The following RYR3 variants were observed in gnomAD, a reference collection of about 807,000 sequenced individuals.
RYR3 encodes the protein ryanodine receptor 3.
In RYR3, 207 loss-of-function variants were observed where a neutral mutation model predicts 584.3. The ratio of observed to expected loss-of-function variants is 0.35; its 90% CI spans 0.32 to 0.40. The LOEUF is 0.40. Among genes scored for constraint, RYR3 ranks in the 10% least tolerant of loss-of-function variants. The pLI is 1.00. For synonymous variants in RYR3, 2,416 were observed against 2,248.5 expected (o/e 1.07, Z -2.11); for missense variants, 5,616 against 6,089.2 (o/e 0.92, Z 2.59).
chr15:33,628,651 C>A, intron 21 of RYR3, 76 bp downstream of exon 21: 1 of 927,658 alleles, frequency 1.1e-6, no homozygotes. Flanking sequence ...CTGCTGCATG[C>A]CTAGTTTTCA....
intron 66 of RYR3, among the ~76,000 whole-genome samples, chr15:33,787,556 G>A (rs1375340531): frequency 6.6e-6 from 1 of 151,466 alleles, no homozygotes; most frequent in Non-Finnish European, 1.5e-5. Context: ...AAAAACAATG[G>A]AAAGGCATAT....
At chr15:33,662,065 A>C in intron 34 of RYR3, 88 bp from the exon 35 acceptor site, 1 of 1,140,770 alleles carries the variant, frequency 8.8e-7, no homozygotes, top group Non-Finnish European at 1.2e-6. Flanking sequence ...CCTTCCACCC[A>C]CCCTGCCTTT....
chr15:33,535,063 G>A lies in RYR3; in HGVS notation c.433+1674G>A, dbSNP rs566367073. 1.4e-4 allele frequency among the ~76,000 whole-genome samples: 22 copies of A among 152,332 alleles called. No homozygotes were observed. The East Asian group carries it at 4.1e-3, about 28-fold the overall frequency. On this transcript the variant is annotated intron_variant, in intron 5 of 103. Transcript: ENST00000634891. ...GGGTAGGAACAGAGACCAAGGAAGA[G>A]AAAACAGGTTAGGGCACACTGCAGG... is the stretch of plus-strand genomic sequence containing the variant.
intron 16 of RYR3, among the ~76,000 whole-genome samples, chr15:33,588,640 T>G (rs376302844): frequency 1.2e-4 from 18 of 152,258 alleles, no homozygotes; most frequent in East Asian, 9.6e-4. Flanking sequence ...CACCTATCAC[T>G]CCACTCTCTA....
At chr15:33,734,677 G>A (rs16957896) in intron 48 of RYR3, among the ~76,000 whole-genome samples, 5,292 of 141,254 alleles carry the variant, frequency 0.037, 349 homozygotes, top group African/African-American at 0.13. Flanking sequence ...GGAGAAATTC[G>A]ATTTTTTTTT....
In RYR3 at chr15:33,854,639, G is replaced by C. The variant is rs2079454921; in HGVS notation, c.13861-127G>C. 8.6e-6 allele frequency: 11 copies of C among 1,279,206 alleles called. No individual in the cohort carries two copies. In the South Asian group the frequency reaches 1.6e-4, roughly 18 times the overall value. The allele number at this position is 1,279,206 out of a possible 1,614,324, so 79.2% of individuals were successfully genotyped here. ...GGCTCACTTAGCAGATCTTGGGCCA[G>C]CTCACAGCACCTCAGCACCTAAACC... On this transcript the variant is annotated intron_variant, in intron 97 of 103. Coordinates refer to ENST00000634891, the MANE Select transcript of RYR3 (RefSeq NM_001036.6).
chr15:33,592,693 C>T (rs1055806488), intron 16 of RYR3, among the ~76,000 whole-genome samples: 2 of 152,142 alleles, frequency 1.3e-5, no homozygotes, highest in African/African-American at 4.8e-5. Context: ...ACCAAGATAC[C>T]CCCTGTCAGT....
At chr15:33,415,688 A>C (rs1394535892) in intron 1 of RYR3, among the ~76,000 whole-genome samples, 1 of 151,790 alleles carries the variant, frequency 6.6e-6, no homozygotes, top group African/African-American at 2.4e-5. Flanking sequence ...TTAGTTTTTT[A>C]CAAGACATAA....
At chr15:33,865,075 G>C in intron 103 of RYR3, 56 bp from the exon 104 acceptor site, 2 of 1,397,070 alleles carry the variant, frequency 1.4e-6, no homozygotes, top group East Asian at 4.6e-5. Context: ...AAACAAACTG[G>C]GTTTTAGCTT....
At chr15:33,511,938 C>A (rs993563025) in intron 3 of RYR3, among the ~76,000 whole-genome samples, 11 of 152,114 alleles carry the variant, frequency 7.2e-5, no homozygotes, top group Non-Finnish European at 1.3e-4. Flanking sequence ...GCCACCACGC[C>A]CGGCTAATTT....
intron 3 of RYR3, among the ~76,000 whole-genome samples, chr15:33,522,891 A>G (rs775504457): frequency 6.6e-6 from 1 of 152,148 alleles, no homozygotes; most frequent in Non-Finnish European, 1.5e-5. Flanking sequence ...AAAATCCTTC[A>G]TTAACTATTA....
rs189563975 is a variant in RYR3, at chr15:33,843,101, C to T, written c.13210-387C>T. 4.5e-3 allele frequency among the ~76,000 whole-genome samples: 681 copies of T among 152,018 alleles called. 8 individuals are homozygous for T. The highest frequency in any genetic ancestry group is 0.014 in the African/African-American group (595 of 41,460). On this transcript the variant is annotated intron_variant, in intron 91 of 103. Coordinates refer to ENST00000634891, the MANE Select transcript of RYR3 (RefSeq NM_001036.6). ...TTGGGAGGCCGAGATGGGTGGATCA[C>T]GAGGTCAGGAGATCGAGACCATCCT...
chr15:33,782,530 C>T (rs117957421), intron 65 of RYR3, among the ~76,000 whole-genome samples: 20 of 152,214 alleles, frequency 1.3e-4, no homozygotes, highest in Non-Finnish European at 2.2e-4. Context: ...GGATGCTGAC[C>T]GTGTATATGG....
At chr15:33,336,480 GAGAGAGAA>G (rs1477869461) in intron 1 of RYR3, among the ~76,000 whole-genome samples, 14 of 20,770 alleles carry the variant, frequency 6.7e-4, no homozygotes, top group East Asian at 5.8e-3. Context: ...GAGAGAGAGA[GAGAGAGAA>G]AGAAAGAAAG....
chr15:33,751,774 A>C (rs10444859), intron 57 of RYR3, among the ~76,000 whole-genome samples: 74,065 of 151,326 alleles, frequency 0.49, 19,515 homozygotes, highest in Admixed American at 0.62. Context: ...GTTGCCATTG[A>C]TTTTGGTGTT....
chr15:33,801,565 G>A (rs1233296228), intron 68 of RYR3, among the ~76,000 whole-genome samples: 1 of 152,148 alleles, frequency 6.6e-6, no homozygotes, highest in Non-Finnish European at 1.5e-5. Context: ...TCTGTCATGT[G>A]ATGCTATACT....
At chr15:33,819,361 A>G (rs1596788795) in intron 76 of RYR3, among the ~76,000 whole-genome samples, 1 of 152,128 alleles carries the variant, frequency 6.6e-6, no homozygotes, top group African/African-American at 2.4e-5. Context: ...CTTAGTCTTT[A>G]TTGTGGGGTC....
chr15:33,397,574 A>G (rs2042375619), intron 1 of RYR3, among the ~76,000 whole-genome samples: 1 of 152,196 alleles, frequency 6.6e-6, no homozygotes, highest in Non-Finnish European at 1.5e-5. Flanking sequence ...GGCTGGTGGA[A>G]CAGGGGCATC....
intron 81 of RYR3, among the ~76,000 whole-genome samples, chr15:33,825,159 C>T (rs749204147): frequency 1.4e-4 from 21 of 152,196 alleles, no homozygotes; most frequent in Admixed American, 8.5e-4. Flanking sequence ...CTGGAAACCA[C>T]AATTCCATGT....
Sources: allele counts gnomAD v4.1 joint callset (sites outside exome capture counted in the v4.1 genomes callset), GRCh38; gene constraint gnomAD v4.1.1; transcripts MANE v1.5; gene names NCBI Gene and HGNC (gene_info 2026-07-23, HGNC 2026-07-21).